ZNF678: variants seen among roughly 807,000 people sequenced by gnomAD.
The protein encoded by ZNF678 is zinc finger protein 678.
Under a neutral mutation model 3.0 loss-of-function variants are expected in ZNF678, and 5 were observed. That is an observed-to-expected ratio of 1.69 (90% CI 0.88 to 3.56). The LOEUF (loss-of-function observed/expected upper bound fraction) is 3.56, where lower values mean the gene tolerates loss of function less well. Ranked by LOEUF, ZNF678 falls within the 30% of genes most tolerant of loss-of-function variation. The pLI is 0.00. For missense variants in ZNF678, 593 were observed against 605.0 expected, an observed-to-expected ratio of 0.98 and a Z score of 0.21; for synonymous variants, 218 against 199.6, an observed-to-expected ratio of 1.09 and a Z score of -0.78.
Position 227,629,944 on chromosome 1 carries a change from C to CT in ZNF678, c.-163-16588dup, listed in dbSNP as rs879455911. On this transcript the variant is annotated intron_variant, in intron 1 of 3. Transcript: ENST00000343776. ...TGAGGGCCATGACTAAAGTGATGGC[C>CT]TTTTTTTTTTTTAATCCCATTCGTC... Among the ~76,000 whole-genome samples, 850 of 145,756 alleles carry CT rather than the reference C, an allele frequency of 5.8e-3. 6 individuals are homozygous for CT. Among genetic ancestry groups the CT allele is most frequent in the African/African-American group, 0.016 (631 of 39,854 alleles).
chr1:227,574,551 C>A, intron 1 of ZNF678, among the ~76,000 whole-genome samples: 1 of 152,112 alleles, frequency 6.6e-6, no homozygotes, highest in Non-Finnish European at 1.5e-5. Flanking sequence ...CTTATAGATG[C>A]TGGATATTAG....
Position 227,641,131 on chromosome 1 carries a change from G to A in ZNF678, c.-163-5413G>A, listed in dbSNP as rs149342922. Among the ~76,000 whole-genome samples the A allele has an allele frequency of 4.3e-3, 657 of 152,352 alleles. 2 individuals carry two copies. The highest frequency in any genetic ancestry group is 7.0e-3 in the Non-Finnish European group (479 of 68,030). The stretch of plus-strand genomic sequence containing the variant: ...GCAGAGAGAGGCGACTGGAGGCTGA[G>A]GAGTTTCCTTTGTCTGGCTGCTATG... On this transcript the variant is annotated intron_variant, in intron 1 of 3. Transcript: ENST00000343776.
At chr1:227,587,265 T>A (rs1571867144) in intron 1 of ZNF678, among the ~76,000 whole-genome samples, 1 of 143,434 alleles carries the variant, frequency 7.0e-6, no homozygotes, top group Admixed American at 7.0e-5. Flanking sequence ...TTTTTTTTTT[T>A]AATTCTTTTT....
At chr1:227,609,309 T>C (rs1434749564) in intron 1 of ZNF678, among the ~76,000 whole-genome samples, 2 of 151,966 alleles carry the variant, frequency 1.3e-5, no homozygotes, top group Admixed American at 6.5e-5. Context: ...ATTTGAAAAA[T>C]ATAATAAAGT....
At chr1:227,596,098 G>A (rs1351200457) in intron 1 of ZNF678, among the ~76,000 whole-genome samples, 2 of 152,184 alleles carry the variant, frequency 1.3e-5, no homozygotes, top group African/African-American at 4.8e-5. Context: ...CACTGCTCTG[G>A]TGAGGCATCC....
chr1:227,677,783 G>T (rs1209988649), downstream of ZNF678, among the ~76,000 whole-genome samples: 3 of 152,294 alleles, frequency 2.0e-5, no homozygotes, highest in East Asian at 5.8e-4. Context: ...ATGTATGGTG[G>T]ACTACCCAAT....
intron 1 of ZNF678, among the ~76,000 whole-genome samples, chr1:227,572,987 C>T (rs1019658116): frequency 1.1e-4 from 16 of 152,234 alleles, no homozygotes; most frequent in Non-Finnish European, 2.1e-4. Flanking sequence ...TTCTGGACTG[C>T]GAGACAGCCT....
chr1:227,607,285 A>T (rs1657897223), intron 1 of ZNF678, among the ~76,000 whole-genome samples: 1 of 152,210 alleles, frequency 6.6e-6, no homozygotes, highest in Admixed American at 6.5e-5. Context: ...ATGTGAAAAA[A>T]TGAGGCTTTG....
Position 227,656,469 on chromosome 1 carries a change from G to T in ZNF678, c.*641G>T, listed in dbSNP as rs1288894830. ...ATATAATTCATATCTCAAATAACTTGATTTTTATTATATTTATTGTTTATG... is the reference window on the plus strand; with the variant it reads ...ATATAATTCATATCTCAAATAACTTTATTTTTATTATATTTATTGTTTATG... On this transcript the variant is annotated 3_prime_UTR_variant, in exon 4 of 4. Coordinates refer to ENST00000343776, the MANE Select transcript of ZNF678 (RefSeq NM_001367909.1). The T allele has an allele frequency of 6.6e-6, 1 of 151,294 alleles. No homozygotes were observed. The allele number at this position is 151,294 out of a possible 1,614,324, so 9.4% of individuals were successfully genotyped here.
intron 1 of ZNF678, among the ~76,000 whole-genome samples, chr1:227,582,784 CTG>C (rs144151864): frequency 6.6e-6 from 1 of 151,520 alleles, no homozygotes; most frequent in South Asian, 2.1e-4. Flanking sequence ...AAGATCTTTT[CTG>C]TGTGTGTGTG....
chr1:227,602,295 A>G (rs559471008), intron 1 of ZNF678, among the ~76,000 whole-genome samples: 1 of 152,254 alleles, frequency 6.6e-6, no homozygotes, highest in African/African-American at 2.4e-5. Flanking sequence ...GTTTCAAATT[A>G]CTTATCAGTT....
At chr1:227,565,044 C>T (rs1239686932) in intron 1 of ZNF678, among the ~76,000 whole-genome samples, 2 of 127,002 alleles carry the variant, frequency 1.6e-5, no homozygotes, top group Non-Finnish European at 3.3e-5. Flanking sequence ...GTTGTTTTTT[C>T]CCTACCCGGC....
At chr1:227,591,890 A>G (rs1490664608) in intron 1 of ZNF678, among the ~76,000 whole-genome samples, 4 of 152,230 alleles carry the variant, frequency 2.6e-5, no homozygotes, top group Non-Finnish European at 5.9e-5. Flanking sequence ...GTACAAGTCC[A>G]AATTTTAAGG....
chr1:227,563,946 CTG>C (rs1656602221), intron 1 of ZNF678, among the ~76,000 whole-genome samples: 1 of 152,248 alleles, frequency 6.6e-6, no homozygotes, highest in Non-Finnish European at 1.5e-5. Context: ...GTCCCCCAGA[CTG>C]TGTGCTTTGT....
intron 1 of ZNF678, among the ~76,000 whole-genome samples, chr1:227,635,329 C>T (rs1658647465): frequency 6.6e-6 from 1 of 152,102 alleles, no homozygotes; most frequent in African/African-American, 2.4e-5. Flanking sequence ...CATCCTATTC[C>T]AGAATTTCTT....
rs1659290205 is a variant in ZNF678 at position 227,657,846 on chromosome 1, ATATT to A, written c.*2023_*2026del. The A allele has an allele frequency of 6.6e-6, 1 of 152,040 alleles. No homozygotes were observed. The highest frequency in any genetic ancestry group is 1.5e-5 in the Non-Finnish European group (1 of 67,914). 9.4% of individuals were successfully genotyped at this position (152,040 alleles called of 1,614,324 possible). ...GGAATCTCAAAGATTCTGAAAGTAAATATTTATTCTCTGCTTTGTATTGAATTTA... is the reference window on the plus strand; with the variant it reads ...GGAATCTCAAAGATTCTGAAAGTAAATATTCTCTGCTTTGTATTGAATTTA... On this transcript the variant is annotated 3_prime_UTR_variant, in exon 4 of 4. Transcript: ENST00000343776.
rs928773773 is a variant in ZNF678 at position 227,655,184 on chromosome 1, A to G, written c.934A>G (p.Lys312Glu). Residue 312 changes from lysine to glutamate, a missense_variant, in exon 4 of 4, where the codon AAA becomes GAA. Transcript: ENST00000343776. ...FTQFASLTRH[K>E]RIHTGEKPYQ... ...ACAGTTTGCAAGCCTTACTCGTCAT[A>G]AAAGAATTCATACTGGAGAAAAACC... The G allele has an allele frequency of 1.2e-6, 2 of 1,612,124 alleles. No homozygotes were observed. Among genetic ancestry groups the G allele is most frequent in the Non-Finnish European group, 1.7e-6 (2 of 1,179,252 alleles).
chr1:227,640,151 C>G (rs1230912929), intron 1 of ZNF678, among the ~76,000 whole-genome samples: 1 of 152,002 alleles, frequency 6.6e-6, no homozygotes, highest in African/African-American at 2.4e-5. Context: ...AGTTAATAGG[C>G]AGTGGAGGAT....
At chr1:227,624,938 C>A (rs531645125) in intron 1 of ZNF678, among the ~76,000 whole-genome samples, 1 of 152,118 alleles carries the variant, frequency 6.6e-6, no homozygotes, top group African/African-American at 2.4e-5. Context: ...AAACGCGGAC[C>A]GGAAGAGTGT....
Sources: gnomAD v4.1 joint callset for allele counts (sites outside exome capture counted in the v4.1 genomes callset) on GRCh38, gnomAD v4.1.1 for gene constraint, MANE v1.5 for transcripts, NCBI Gene and HGNC (gene_info 2026-07-23, HGNC 2026-07-21) for gene names.